Variants in RBFOX1 observed in about 807,000 individuals in gnomAD.
The protein encoded by RBFOX1 is RNA binding fox-1 homolog 1.
In RBFOX1, 8 loss-of-function variants were observed where a neutral mutation model predicts 57.7. The ratio of observed to expected loss-of-function variants is 0.14; its 90% confidence interval spans 0.08 to 0.25. The LOEUF is 0.25. RBFOX1 is among the 10% of genes least tolerant of loss of function. The pLI, the probability that RBFOX1 is intolerant of heterozygous loss-of-function variation, is 1.00. For missense variants in RBFOX1, 611 were observed against 548.5 expected (o/e 1.11, Z -1.14); for synonymous variants, 326 against 222.4 (o/e 1.47, Z -4.15).
At chr16:6,367,514 C>G (rs549967678) in intron 2 of RBFOX1, among the ~76,000 whole-genome samples, 1 of 152,154 alleles carries the variant, frequency 6.6e-6, no homozygotes, top group Non-Finnish European at 1.5e-5. Context: ...TCATGATCCA[C>G]CCATCTCGGC....
At chr16:7,161,599 A>G (rs959900822) in intron 4 of RBFOX1, among the ~76,000 whole-genome samples, 3 of 152,174 alleles carry the variant, frequency 2.0e-5, no homozygotes, top group African/African-American at 4.8e-5. Flanking sequence ...ATCAGATTTA[A>G]TGTTTGAATC....
At chr16:7,608,097 G>A (rs1025512091) in intron 10 of RBFOX1, among the ~76,000 whole-genome samples, 1 of 152,134 alleles carries the variant, frequency 6.6e-6, no homozygotes, top group Non-Finnish European at 1.5e-5. Flanking sequence ...GACCTTAGTA[G>A]GTTTGCCACA....
intron 1 of RBFOX1, among the ~76,000 whole-genome samples, chr16:5,288,881 CT>C (rs1462492505): frequency 2.5e-5 from 3 of 121,274 alleles, no homozygotes. Flanking sequence ...AATCCCAGTA[CT>C]TTGGGAGGCC....
intron 2 of RBFOX1, among the ~76,000 whole-genome samples, chr16:5,527,065 T>G (rs1230751694): frequency 2.6e-5 from 4 of 152,196 alleles, no homozygotes; most frequent in African/African-American, 9.7e-5. Flanking sequence ...GCTCTTTCAG[T>G]AATTATGATA....
Position 6,845,591 on chromosome 16 carries a change from G to T in RBFOX1, c.-16+190941G>T, listed in dbSNP as rs896989339. ...TGTTTTGGTTATTGTAGCCTTGTAG[G>T]TAATCTTCTTAAATCATACATTTTA... On this transcript the variant is annotated intron_variant, in intron 3 of 15. Transcript: ENST00000550418. 9.9e-5 allele frequency among the ~76,000 whole-genome samples: 15 copies of T among 152,046 alleles called. No individual in the cohort carries two copies. In the South Asian group the frequency reaches 1.2e-3, roughly 13 times the overall value.
chr16:5,432,559 G>GTT (rs35344614), intron 1 of RBFOX1, among the ~76,000 whole-genome samples: 1,633 of 94,120 alleles, frequency 0.017, 34 homozygotes, highest in African/African-American at 0.059. Flanking sequence ...TTGTTTGTTT[G>GTT]TTTTTTTTTT....
chr16:7,178,638 C>G (rs911543157), intron 4 of RBFOX1, among the ~76,000 whole-genome samples: 1 of 152,128 alleles, frequency 6.6e-6, no homozygotes, highest in African/African-American at 2.4e-5. Context: ...GGAAACTACT[C>G]TTTAGACCTG....
intron 3 of RBFOX1, among the ~76,000 whole-genome samples, chr16:5,855,588 G>GT (rs1337079569): frequency 6.6e-6 from 1 of 152,078 alleles, no homozygotes; most frequent in African/African-American, 2.4e-5. Context: ...CTTTATGTCT[G>GT]TTTTTTGCTG....
At chr16:7,427,117 C>A (rs2098627406) in intron 4 of RBFOX1, among the ~76,000 whole-genome samples, 1 of 152,100 alleles carries the variant, frequency 6.6e-6, no homozygotes, top group Admixed American at 6.6e-5. Context: ...GCCTGTCATG[C>A]AGTGGGGGGA....
rs1173835582 is a variant in RBFOX1, at chr16:7,036,991, T to C, written c.-15-15066T>C. ...GATCATACAGGGTAACTTCCTGACG[T>C]TGCCATGGCATTTATAAACTGTCAT... On this transcript the variant is annotated intron_variant, in intron 3 of 15. Coordinates refer to ENST00000550418, the MANE Select transcript of RBFOX1 (RefSeq NM_018723.4). Among the ~76,000 whole-genome samples, 3 of 152,162 alleles carry C rather than the reference T, an allele frequency of 2.0e-5. 1 individual carries two copies. Among genetic ancestry groups the C allele is most frequent in the South Asian group, 4.1e-4 (2 of 4,834 alleles).
intron 10 of RBFOX1, among the ~76,000 whole-genome samples, chr16:7,611,146 C>T (rs545442931): frequency 6.6e-6 from 1 of 152,130 alleles, no homozygotes; most frequent in Non-Finnish European, 1.5e-5. Context: ...AATTAACAAC[C>T]CAGCCTCCCG....
chr16:7,032,318 G>A (rs1374896932), intron 3 of RBFOX1, among the ~76,000 whole-genome samples: 1 of 151,986 alleles, frequency 6.6e-6, no homozygotes, highest in African/African-American at 2.4e-5. Context: ...GGTGGGAGGA[G>A]CCTGTAGTCC....
intron 3 of RBFOX1, among the ~76,000 whole-genome samples, chr16:5,736,988 A>G (rs917502679): frequency 1.1e-4 from 15 of 135,114 alleles, no homozygotes; most frequent in Admixed American, 4.3e-4. Context: ...TCTTTCTCTG[A>G]TTCTGTTTCA....
chr16:6,007,955 G>A (rs563727033), intron 4 of RBFOX1, among the ~76,000 whole-genome samples: 1 of 152,150 alleles, frequency 6.6e-6, no homozygotes, highest in Non-Finnish European at 1.5e-5. Context: ...GCTCACATCT[G>A]TAATCCCAAC....
At chr16:6,972,305 T>C (rs185533405) in intron 3 of RBFOX1, among the ~76,000 whole-genome samples, 12 of 152,144 alleles carry the variant, frequency 7.9e-5, no homozygotes, top group African/African-American at 2.9e-4. Flanking sequence ...TCTCTATGAT[T>C]GGGCTACGTT....
intron 3 of RBFOX1, among the ~76,000 whole-genome samples, chr16:5,808,964 G>A (rs1460079384): frequency 6.6e-6 from 1 of 152,152 alleles, no homozygotes; most frequent in African/African-American, 2.4e-5. Context: ...ATGTTGAATA[G>A]GAGTGGTGAG....
At chr16:5,856,189 A>C (rs193122990) in intron 3 of RBFOX1, among the ~76,000 whole-genome samples, 5,995 of 39,462 alleles carry the variant, frequency 0.15, 258 homozygotes, top group Non-Finnish European at 0.22. Context: ...CTCTCTCTCT[A>C]TATATATATA....
intron 4 of RBFOX1, among the ~76,000 whole-genome samples, chr16:7,062,809 C>G (rs913340603): frequency 1.3e-5 from 2 of 151,034 alleles, no homozygotes; most frequent in Admixed American, 1.3e-4. Flanking sequence ...ACCTCAGATT[C>G]ACCCTGATTC....
chr16:6,401,548 G>T (rs2093068810), intron 2 of RBFOX1, among the ~76,000 whole-genome samples: 3 of 152,092 alleles, frequency 2.0e-5, no homozygotes, highest in Admixed American at 2.0e-4. Context: ...ATCATTAGGG[G>T]ACAGCAGTGT....
Sources: allele counts gnomAD v4.1 joint callset (sites outside exome capture counted in the v4.1 genomes callset), GRCh38; gene constraint gnomAD v4.1.1; transcripts MANE v1.5; gene names NCBI Gene and HGNC (gene_info 2026-07-23, HGNC 2026-07-21).